POLR3E: variants seen among roughly 807,000 people sequenced by gnomAD.
The protein encoded by POLR3E is DNA-directed RNA polymerase III subunit RPC5.
In POLR3E, 41 loss-of-function variants were observed where a neutral mutation model predicts 96.6. That is an observed-to-expected ratio of 0.42 (90% confidence interval 0.33 to 0.55). The LOEUF is 0.55. POLR3E is among the 20% of genes least tolerant of loss of function. The pLI is 0.06. For synonymous variants in POLR3E, 396 were observed against 383.6 expected, an observed-to-expected ratio of 1.03 and a Z score of -0.38; for missense variants, 849 against 952.1, an observed-to-expected ratio of 0.89 and a Z score of 1.43.
In POLR3E at chr16:22,332,943, C is replaced by T. The variant is rs1342703361; in HGVS notation, c.2071-701C>T. Among the ~76,000 whole-genome samples, 3 of 141,478 alleles carry T rather than the reference C, an allele frequency of 2.1e-5. No homozygotes were observed. The East Asian group carries it at 6.4e-4, about 30-fold the overall frequency. 92.8% of individuals were successfully genotyped at this position (141,478 alleles called of 152,430 possible). ...TTAAGCACCCTTGTTCTGGGCATGT[C>T]AGTATCTGTATTTCGTAGACCCCCT... On this transcript the variant is annotated intron_variant, in intron 20 of 20. Transcript: ENST00000299853.
At chr16:22,328,641 C>A in intron 19 of POLR3E, 54 bp downstream of exon 19, 1 of 1,441,316 alleles carries the variant, frequency 6.9e-7, no homozygotes, top group Non-Finnish European at 9.8e-7. Context: ...TTTCCTGCAG[C>A]GTTGGAGGCC....
At chr16:22,305,940 A>C (rs1472695272) in intron 3 of POLR3E, among the ~76,000 whole-genome samples, 1 of 152,122 alleles carries the variant, frequency 6.6e-6, no homozygotes, top group East Asian at 1.9e-4. Flanking sequence ...TCCCCATTTC[A>C]GTGTGTAATG....
chr16:22,317,831 A>G (rs2926361), intron 12 of POLR3E, among the ~76,000 whole-genome samples: 149,653 of 152,042 alleles, frequency 0.98, 73,687 homozygotes, highest in East Asian at 1. Context: ...TTTCATGACA[A>G]TGTCTTCACT....
chr16:22,299,114 G>C (rs1427681103), intron 1 of POLR3E: 1 of 451,266 alleles, frequency 2.2e-6, no homozygotes, highest in Non-Finnish European at 4.5e-6. Context: ...GCTGGGGGAG[G>C]CTTTTAAAAT....
chr16:22,332,199 G>A lies in POLR3E; in HGVS notation c.2070+14G>A. On this transcript the variant is annotated intron_variant, in intron 20 of 20. Transcript: ENST00000299853. Reference sequence around the variant, plus strand: ...AAAGTACTAAAGGTACATCCATTTTGTGCATAACAAACAATATCAAAGGCT... The same window carrying A: ...AAAGTACTAAAGGTACATCCATTTTATGCATAACAAACAATATCAAAGGCT... 6.2e-7 allele frequency: 1 copy of A among 1,609,124 alleles called. No homozygotes were observed. The highest frequency in any genetic ancestry group is 8.5e-7 in the Non-Finnish European group (1 of 1,176,960).
chr16:22,307,364 C>A (rs1033890601), intron 3 of POLR3E, among the ~76,000 whole-genome samples: 1 of 152,124 alleles, frequency 6.6e-6, no homozygotes, highest in Admixed American at 6.5e-5. Context: ...CGTCTCCTTG[C>A]GCTAGAATGT....
At chr16:22,305,237 A>G (rs200825570) in intron 3 of POLR3E, 31 bp downstream of exon 3, 541 of 1,545,520 alleles carry the variant, frequency 3.5e-4, no homozygotes, top group Non-Finnish European at 4.6e-4. Flanking sequence ...TAAAGAGGGG[A>G]GAAGCAGGTG....
intron 19 of POLR3E, among the ~76,000 whole-genome samples, chr16:22,329,585 T>G (rs1311413289): frequency 2.6e-5 from 4 of 152,152 alleles, no homozygotes; most frequent in African/African-American, 9.7e-5. Context: ...ACTGGCAGGC[T>G]GAGGATCTAA....
chr16:22,320,916 G>C (rs2048460545), intron 13 of POLR3E, among the ~76,000 whole-genome samples: 1 of 152,226 alleles, frequency 6.6e-6, no homozygotes, highest in Admixed American at 6.5e-5. Context: ...AAGGCAGCCT[G>C]CCTTTGTTTT....
intron 6 of POLR3E, among the ~76,000 whole-genome samples, chr16:22,312,581 G>C (rs2048268321): frequency 6.6e-6 from 1 of 151,382 alleles, no homozygotes; most frequent in Admixed American, 6.6e-5. Flanking sequence ...AAAGTACAAG[G>C]CGCGGCCGGG....
At chr16:22,332,776 C>CTAATGTACAACCTATAAT (rs1160224569) in intron 20 of POLR3E, among the ~76,000 whole-genome samples, 1 of 151,890 alleles carries the variant, frequency 6.6e-6, no homozygotes, top group Non-Finnish European at 1.5e-5. Flanking sequence ...ATGAAAGCAC[C>CTAATGTACAACCTATAAT]TAATGTACAA....
Position 22,333,695 on chromosome 16 carries a change from T to C in POLR3E, c.2122T>C (p.Ser708Pro), listed in dbSNP as rs1314930622. Residue 708 changes from serine (S) to proline (P), a missense_variant, in exon 21 of 21, where the codon TCT (serine) becomes CCT (proline). Ser to Pro is a moderately conservative substitution (Grantham distance 74). Coordinates refer to ENST00000299853, the MANE Select transcript of POLR3E (RefSeq NM_018119.4). ...GTGGTACCTTAAAGGGACAGTACAG[T>C]CTTGACAATAGTAGCAAACTACTAA... ...GMWYLKGTVQ[S>P] 6.2e-7 allele frequency: 1 copy of C among 1,606,534 alleles called. No individual in the cohort carries two copies. Among genetic ancestry groups the C allele is most frequent in the Non-Finnish European group, 8.5e-7 (1 of 1,173,096 alleles).
At chr16:22,332,210 A>G in intron 20 of POLR3E, 25 bp downstream of exon 20, 1 of 1,604,988 alleles carries the variant, frequency 6.2e-7, no homozygotes, top group Non-Finnish European at 8.5e-7. Context: ...TGCATAACAA[A>G]CAATATCAAA....
chr16:22,328,138 CT>C (rs2048646163), intron 18 of POLR3E: 1 of 196,164 alleles, frequency 5.1e-6, no homozygotes, highest in Non-Finnish European at 1.0e-5. Flanking sequence ...GGGTTGGCAT[CT>C]TCAGGAGGGA....
intron 2 of POLR3E, among the ~76,000 whole-genome samples, chr16:22,303,545 A>G (rs918111398): frequency 5.3e-5 from 8 of 151,814 alleles, no homozygotes; most frequent in Admixed American, 4.6e-4. Context: ...ATCAGTGAGC[A>G]GGGCAGGGTC....
chr16:22,326,527 G>C (rs2048599040), intron 18 of POLR3E: 2 of 567,074 alleles, frequency 3.5e-6, no homozygotes, highest in African/African-American at 3.8e-5. Context: ...CTATTGCCTG[G>C]CCTGCAGCAG....
intron 3 of POLR3E, among the ~76,000 whole-genome samples, chr16:22,306,177 T>G (rs2048128847): frequency 6.6e-6 from 1 of 152,226 alleles, no homozygotes; most frequent in South Asian, 2.1e-4. Flanking sequence ...CTGCTGTGAT[T>G]GGCTGCTCTC....
rs751557526 is a variant in POLR3E, at chr16:22,324,591, G to C, written c.1217G>C (p.Gly406Ala). The change falls in exon 16 of 21, where the codon GGG (glycine) becomes GCG (alanine). Residue 406 changes from glycine (G) to alanine (A), a missense_variant. Physicochemically the swap from Gly to Ala is moderately conservative, Grantham distance 60. Transcript: ENST00000299853. ...TGGGAGTTCATTCTGCCTTATGATG[G>C]GGAGTTCATCAAGAAGCACCCGGAT... The part of the protein sequence containing the change: ...KGWEFILPYD[G>A]EFIKKHPDVV... 1 of 1,613,494 alleles carries C rather than the reference G, an allele frequency of 6.2e-7. No individual in the cohort carries two copies. Among genetic ancestry groups the C allele is most frequent in the African/African-American group, 1.3e-5 (1 of 74,804 alleles).
Position 22,315,217 on chromosome 16 carries a change from G to A in POLR3E, c.642+9G>A, listed in dbSNP as rs1323907568. On this transcript the variant is annotated intron_variant, in intron 9 of 20. Coordinates refer to ENST00000299853, the MANE Select transcript of POLR3E (RefSeq NM_018119.4). The stretch of plus-strand genomic sequence containing the variant: ...ATTACTATGGCCTGAGGGTGAGCGG[G>A]GCTTCGTGGGGTCCTGGGGGAAACA... The A allele has an allele frequency of 6.3e-7, 1 of 1,575,328 alleles. No individual in the cohort carries two copies. Among genetic ancestry groups the A allele is most frequent in the Non-Finnish European group, 8.6e-7 (1 of 1,160,038 alleles).
Sources: gnomAD v4.1 joint callset for allele counts (sites outside exome capture counted in the v4.1 genomes callset) on GRCh38, gnomAD v4.1.1 for gene constraint, MANE v1.5 for transcripts, NCBI Gene and HGNC (gene_info 2026-07-23, HGNC 2026-07-21) for gene names.